The following PDE11A variants were observed in gnomAD, a reference collection of about 807,000 sequenced individuals.
PDE11A encodes the protein phosphodiesterase 11A.
PDE11A carries 100 observed loss-of-function variants against 100.5 expected under a neutral mutation model. The ratio of observed to expected loss-of-function variants is 1.00; its 90% CI spans 0.85 to 1.18. The LOEUF (loss-of-function observed/expected upper bound fraction) is 1.18. PDE11A is among the 50% of genes most tolerant of loss of function. PDE11A has a pLI of 0.00. For synonymous variants in PDE11A, 381 were observed against 420.8 expected (o/e 0.91, Z 1.16); for missense variants, 1,141 against 1,152.6 (o/e 0.99, Z 0.15).
Position 177,945,176 on chromosome 2 carries a change from A to C in PDE11A, c.1072-39989T>G, listed in dbSNP as rs536202913. ...GCGTGGTCTCGGCTCACTACAACCT[A>C]CACCTCCCAGCCGCCTGCCTTGGCC... is the stretch of plus-strand genomic sequence containing the variant. On this transcript the variant is annotated intron_variant, in intron 2 of 19. Transcript: ENST00000286063. Among the ~76,000 whole-genome samples, 8 of 147,460 alleles carry C rather than the reference A, an allele frequency of 5.4e-5. No individual in the cohort carries two copies. In the East Asian group the frequency reaches 6.9e-4, roughly 13 times the overall value.
At position 177,771,934 on chromosome 2, in the gene PDE11A, G is replaced by A. The variant is rs185122386; in HGVS notation, c.1738-2561C>T. Reference sequence around the variant, plus strand: ...GGAGAATCGCTTGAACCCGGGAGGCGGAGGTTGCAGTGAGCCGAGATCGTG... The same window carrying A: ...GGAGAATCGCTTGAACCCGGGAGGCAGAGGTTGCAGTGAGCCGAGATCGTG... On this transcript the variant is annotated intron_variant, in intron 9 of 19. Coordinates refer to ENST00000286063, the MANE Select transcript of PDE11A (RefSeq NM_016953.4). Among the ~76,000 whole-genome samples the A allele has an allele frequency of 4.6e-5, 7 of 152,040 alleles. No homozygotes were observed. In the East Asian group the frequency reaches 9.7e-4, roughly 21 times the overall value.
chr2:177,835,726 A>C (rs1313771874), intron 6 of PDE11A, among the ~76,000 whole-genome samples: 1 of 152,100 alleles, frequency 6.6e-6, no homozygotes, highest in Non-Finnish European at 1.5e-5. Flanking sequence ...GCCCACCACA[A>C]GTTCTGGGTG....
At chr2:178,023,019 T>G (rs2086433320) in intron 1 of PDE11A, among the ~76,000 whole-genome samples, 1 of 152,252 alleles carries the variant, frequency 6.6e-6, no homozygotes, top group African/African-American at 2.4e-5. Context: ...GCCATGATTT[T>G]TAACCTTTAA....
chr2:177,957,910 C>CTTTTTTTTTTTTTTTCT (rs748839068), intron 2 of PDE11A, among the ~76,000 whole-genome samples: 1 of 114,468 alleles, frequency 8.7e-6, no homozygotes, highest in Non-Finnish European at 1.7e-5. Flanking sequence ...TTTCCAATGC[C>CTTTTTTTTTTTTTTTCT]TTTTTTTTGA....
intron 4 of PDE11A, among the ~76,000 whole-genome samples, chr2:177,888,196 C>A (rs114122280): frequency 1.5e-4 from 23 of 152,178 alleles, no homozygotes; most frequent in African/African-American, 4.3e-4. Flanking sequence ...ATAAGCAAGC[C>A]AGTTTTAAAG....
At chr2:177,809,532 G>A (rs1175011120) in intron 9 of PDE11A, among the ~76,000 whole-genome samples, 1 of 152,172 alleles carries the variant, frequency 6.6e-6, no homozygotes, top group Non-Finnish European at 1.5e-5. Flanking sequence ...AAATGTTGGT[G>A]TCTGACACAG....
chr2:177,692,925 G>A (rs1217984148), intron 15 of PDE11A, among the ~76,000 whole-genome samples: 1 of 152,076 alleles, frequency 6.6e-6, no homozygotes, highest in African/African-American at 2.4e-5. Context: ...CTTGCCTCTA[G>A]GAATGAGTCA....
chr2:178,027,189 G>A (rs2086488863), intron 1 of PDE11A, among the ~76,000 whole-genome samples: 1 of 151,786 alleles, frequency 6.6e-6, no homozygotes, highest in South Asian at 2.1e-4. Context: ...TTCATTTCTA[G>A]GAATTTATGA....
chr2:178,082,972 C>T (rs1039062248), intron 2 of PDE11A, among the ~76,000 whole-genome samples: 8 of 152,120 alleles, frequency 5.3e-5, no homozygotes, highest in African/African-American at 1.7e-4. Context: ...ACTCTGATCC[C>T]CTTGGCCAAG....
Position 178,103,961 on chromosome 2 carries a change from C to G in PDE11A, c.162+341G>C, listed in dbSNP as rs557375743. Among the ~76,000 whole-genome samples the G allele has an allele frequency of 3.3e-5, 5 of 152,216 alleles. No homozygotes were observed. The South Asian group carries it at 1.0e-3, about 32-fold the overall frequency. ...ACTATATAGTATTTCTCCCACTCTG[C>G]TAAAATCAATACTACAAATAGAATC... On this transcript the variant is annotated intron_variant, in intron 2 of 20. Transcript: ENST00000358450.
intron 19 of PDE11A, among the ~76,000 whole-genome samples, chr2:177,646,089 G>A (rs1235146604): frequency 6.6e-6 from 1 of 152,196 alleles, no homozygotes; most frequent in African/African-American, 2.4e-5. Context: ...AGGCAGGAAT[G>A]TTAGTCTTTT....
In PDE11A at chr2:177,817,915, T is replaced by G. The variant is rs193147585; in HGVS notation, c.1587A>C (p.Gln529His). 32 of 1,497,752 alleles carry G rather than the reference T, an allele frequency of 2.1e-5. No individual in the cohort carries two copies. Among genetic ancestry groups the G allele is most frequent in the Non-Finnish European group, 1.9e-6 (2 of 1,075,776 alleles). 92.8% of individuals were successfully genotyped at this position (1,497,752 alleles called of 1,614,324 possible). Residue 529 changes from glutamine (Q) to histidine (H), a missense_variant, in exon 8 of 20, where the codon CAA becomes CAC. Coordinates refer to ENST00000286063, the MANE Select transcript of PDE11A (RefSeq NM_016953.4). ...GTTTCCCATCAAGTCTGTTTAACACTTGAGCCACTCCTATGGGGAAAGAGT... is the reference window on the plus strand; with the variant it reads ...GTTTCCCATCAAGTCTGTTTAACACGTGAGCCACTCCTATGGGGAAAGAGT... ...NSNHQIIGVA[Q>H]VLNRLDGKPF... is the part of the protein sequence containing the mutation.
chr2:178,035,631 A>G (rs1288060273), intron 1 of PDE11A, among the ~76,000 whole-genome samples: 1 of 152,258 alleles, frequency 6.6e-6, no homozygotes, highest in Non-Finnish European at 1.5e-5. Context: ...AATCCTCAAT[A>G]AAATAGGGCA....
At chr2:177,673,583 C>G (rs1225383121) in intron 17 of PDE11A, among the ~76,000 whole-genome samples, 1 of 152,002 alleles carries the variant, frequency 6.6e-6, no homozygotes, top group Non-Finnish European at 1.5e-5. Flanking sequence ...GCATCCAGAT[C>G]TGTTGTAGAG....
chr2:177,798,605 T>C (rs1190952140), intron 9 of PDE11A, among the ~76,000 whole-genome samples: 1 of 152,224 alleles, frequency 6.6e-6, no homozygotes, highest in African/African-American at 2.4e-5. Flanking sequence ...CATAAGTTCT[T>C]TTTTGTTGCT....
At chr2:177,810,299 A>G (rs1419386917) in intron 9 of PDE11A, among the ~76,000 whole-genome samples, 1 of 152,166 alleles carries the variant, frequency 6.6e-6, no homozygotes, top group East Asian at 1.9e-4. Flanking sequence ...ATTGAGTACC[A>G]ATTATATATA....
At chr2:178,089,332 A>T (rs551919073) in intron 2 of PDE11A, among the ~76,000 whole-genome samples, 68 of 152,328 alleles carry the variant, frequency 4.5e-4, no homozygotes, top group African/African-American at 1.6e-3. Flanking sequence ...TACTGCAATG[A>T]GAGTTTTGCA....
rs1413299130 is a variant in PDE11A, at chr2:177,711,782, C to T, written c.2140G>A (p.Ala714Thr). The T allele has an allele frequency of 5.1e-6, 8 of 1,571,012 alleles. No individual in the cohort carries two copies. Among genetic ancestry groups the T allele is most frequent in the African/African-American group, 1.3e-5 (1 of 74,144 alleles). The change falls in exon 13 of 20, where the codon GCC becomes ACC. Residue 714 changes from alanine (A) to threonine (T), a missense_variant. Ala to Thr is a moderately conservative substitution (Grantham distance 58, BLOSUM62 0). Coordinates refer to ENST00000286063, the MANE Select transcript of PDE11A (RefSeq NM_016953.4). The part of the protein sequence containing the change: ...HDLDHRGTNN[A>T]FQAKSGSALA... ...TAGAACACTTACTTAGCTTGGAAGG[C>T]ATTGTTGGTTCCCCTGTGGTCGAGG...
chr2:177,864,776 G>A (rs2084000372), intron 5 of PDE11A, among the ~76,000 whole-genome samples: 1 of 152,132 alleles, frequency 6.6e-6, no homozygotes, highest in Non-Finnish European at 1.5e-5. Flanking sequence ...ACTAATGGAT[G>A]GGATAACCTA....
Sources: gnomAD v4.1 joint callset for allele counts (sites outside exome capture counted in the v4.1 genomes callset) on GRCh38, gnomAD v4.1.1 for gene constraint, MANE v1.5 for transcripts, NCBI Gene and HGNC (gene_info 2026-07-23, HGNC 2026-07-21) for gene names.